Variants in KIF27 observed in about 807,000 individuals in gnomAD.
KIF27 encodes the protein kinesin-like protein KIF27.
KIF27 carries 84 observed loss-of-function variants against 141.8 expected under a neutral mutation model. The ratio of observed to expected loss-of-function variants is 0.59; its 90% CI spans 0.50 to 0.71. The LOEUF (loss-of-function observed/expected upper bound fraction) is 0.71, where lower values mean the gene tolerates loss of function less well. Ranked by LOEUF, KIF27 falls within the 30% of genes least tolerant of loss-of-function variation. The pLI is 0.00. For synonymous variants in KIF27, 471 were observed against 569.5 expected (o/e 0.83, Z 2.46); for missense variants, 1,306 against 1,628.4 (o/e 0.80, Z 3.41).
intron 5 of KIF27, chr9:83,898,646 G>A (rs1953516980): frequency 6.6e-6 from 1 of 152,122 alleles, no homozygotes; most frequent in Non-Finnish European, 1.5e-5. Context: ...TTAGTTTTAT[G>A]TTTTTAAATT....
chr9:83,890,303 T>C (rs7862971), intron 6 of KIF27, among the ~76,000 whole-genome samples: 3,736 of 152,100 alleles, frequency 0.025, 155 homozygotes, highest in African/African-American at 0.086. Context: ...GGGCGTAAAG[T>C]TTTTTAGGTG....
chr9:83,853,825 A>T lies in KIF27; in HGVS notation c.3161T>A (p.Val1054Asp). The change falls in exon 15 of 18, where the codon GTT becomes GAT. Residue 1054 changes from valine (V) to aspartate (D), a missense_variant. By Grantham distance (152) the Val-to-Asp change is radical. Transcript: ENST00000297814. ...AATCCCTTCTTCAAGTTGGAAAAGAACATGTTCTTCCTAGATATAACAGAA... is the reference window on the plus strand; with the variant it reads ...AATCCCTTCTTCAAGTTGGAAAAGATCATGTTCTTCCTAGATATAACAGAA... Reference protein sequence around the residue: ...GRVLSPEEEHVLFQLEEGIEA... With the variant: ...GRVLSPEEEHDLFQLEEGIEA... 6.2e-7 allele frequency: 1 copy of T among 1,605,246 alleles called. No individual in the cohort carries two copies. The highest frequency in any genetic ancestry group is 8.5e-7 in the Non-Finnish European group (1 of 1,172,088).
At chr9:83,883,735 T>A (rs1951860689) in intron 10 of KIF27, 78 bp downstream of exon 10, 1 of 968,468 alleles carries the variant, frequency 1.0e-6, no homozygotes, top group South Asian at 1.5e-5. Flanking sequence ...GAATCCCACT[T>A]CTTTCCTAAC....
intron 13 of KIF27, 132 bp from the exon 14 acceptor site, chr9:83,859,503 T>C (rs1322345103): frequency 9.2e-6 from 6 of 649,604 alleles, no homozygotes; most frequent in Non-Finnish European, 1.3e-5. Context: ...TTTTCTCCCA[T>C]GGATTTTTTT....
chr9:83,903,662 T>A lies in KIF27; in HGVS notation c.856A>T (p.Arg286Trp). ...CTATATGGAATATGTGAACTCTTCC[T>A]GCGTGGGTCCCCAAGAGCGCTTATT... ...NVISALGDPR[R>W]KSSHIPYRDA... Residue 286 changes from arginine (R) to tryptophan (W), a missense_variant, in exon 4 of 18, where the codon AGG becomes TGG. This residue lies in a region of KIF27 where 533 missense variants were observed against 565.6 expected (regional missense o/e 0.94). Transcript: ENST00000297814. 6.2e-7 allele frequency: 1 copy of A among 1,614,158 alleles called. No individual in the cohort carries two copies. Among genetic ancestry groups the A allele is most frequent in the African/African-American group, 1.3e-5 (1 of 75,054 alleles).
intron 17 of KIF27, 94 bp from the exon 18 acceptor site, chr9:83,837,579 C>A (rs148632153): frequency 4.0e-6 from 5 of 1,241,984 alleles, no homozygotes; most frequent in South Asian, 1.5e-5. Flanking sequence ...ATTATTATCA[C>A]CCAATATGCA....
chr9:83,845,077 G>A (rs1947082986), intron 16 of KIF27, among the ~76,000 whole-genome samples: 1 of 152,172 alleles, frequency 6.6e-6, no homozygotes, highest in Non-Finnish European at 1.5e-5. Context: ...AGATCCAATG[G>A]TGCTTGAGGT....
At chr9:83,889,540 C>T (rs528952968) in intron 6 of KIF27, among the ~76,000 whole-genome samples, 384 of 152,032 alleles carry the variant, frequency 2.5e-3, no homozygotes, top group African/African-American at 9.0e-3. Flanking sequence ...CAAAAGAACG[C>T]ATGGAAAACA....
At position 83,887,064 on chromosome 9, in the gene KIF27, A is replaced by T; in HGVS notation, c.2216T>A (p.Leu739Gln). The T allele has an allele frequency of 1.3e-6, 2 of 1,591,010 alleles. No homozygotes were observed. The highest frequency in any genetic ancestry group is 1.7e-6 in the Non-Finnish European group (2 of 1,173,208). The change falls in exon 9 of 18, where the codon CTG becomes CAG. Residue 739 changes from leucine to glutamine, a missense_variant. Around this residue, in one of 4 missense-constraint regions of KIF27, gnomAD observed 596 missense variants for 751.6 expected, o/e 0.79. Transcript: ENST00000297814. ...LTINIKMKEDLIKELIKTGND... is the reference protein window; with the variant it reads ...LTINIKMKEDQIKELIKTGND... ...ACCTGTTTTTATTAATTCTTTAATC[A>T]GATCTTCCTTCATCTTGATGTTAAT...
intron 1 of KIF27, 122 bp downstream of exon 1, chr9:83,921,249 A>C (rs1956246120): frequency 6.6e-6 from 1 of 152,012 alleles, no homozygotes; most frequent in Admixed American, 6.6e-5. Flanking sequence ...GCCGGAGCCT[A>C]CTAGTCCCAA....
At chr9:83,844,635 T>C (rs1947022631) in intron 16 of KIF27, among the ~76,000 whole-genome samples, 1 of 152,202 alleles carries the variant, frequency 6.6e-6, no homozygotes, top group Admixed American at 6.5e-5. Context: ...TCACTGCTCA[T>C]GAGAGGCAAG....
At chr9:83,849,600 C>T (rs62561945) in intron 16 of KIF27, 27,794 of 157,946 alleles carry the variant, frequency 0.18, 3,019 homozygotes, top group Non-Finnish European at 0.24. Context: ...TGGTATGTGC[C>T]CATCAATGGC....
Position 83,903,419 on chromosome 9 carries a change from G to A in KIF27, c.1099C>T (p.Arg367Ter), listed in dbSNP as rs371692315. The change falls in exon 4 of 18, where the codon CGA (arginine) becomes TGA (stop). Residue 367 changes from arginine (R) to a stop codon, truncating the protein, a stop_gained. Transcript: ENST00000297814. LOFTEE classifies it high-confidence loss of function. ...GCCTGCTGGCTTTGCAAAGCTTCTC[G>A]AAGCAATTTAATCTCAAATTCCATT... The part of the protein sequence containing the change: ...DEMEFEIKLL[R>*]EALQSQQAGV... The A allele has an allele frequency of 9.3e-6, 15 of 1,613,776 alleles. No individual in the cohort carries two copies. Among genetic ancestry groups the A allele is most frequent in the African/African-American group, 2.7e-5 (2 of 74,920 alleles).
At position 83,853,812 on chromosome 9, in the gene KIF27, A is replaced by C; in HGVS notation, c.3174T>G (p.Leu1058=). The change falls in exon 15 of 18, where the codon CTT becomes CTG. Residue 1058 remains leucine, a synonymous_variant. Transcript: ENST00000297814. ...CTTCCAAAGCTTCAATCCCTTCTTC[A>C]AGTTGGAAAAGAACATGTTCTTCCT... ...SPEEEHVLFQ[L]EEGIEALEAA... is the part of the protein sequence containing the mutation. The C allele has an allele frequency of 6.2e-7, 1 of 1,611,082 alleles. No individual in the cohort carries two copies. The highest frequency in any genetic ancestry group is 8.5e-7 in the Non-Finnish European group (1 of 1,177,348).
At chr9:83,876,618 A>T (rs1951220568) in intron 11 of KIF27, among the ~76,000 whole-genome samples, 1 of 152,216 alleles carries the variant, frequency 6.6e-6, no homozygotes, top group Admixed American at 6.5e-5. Context: ...ATCATCTTGA[A>T]AAAGAAGAGC....
At position 83,835,984 on chromosome 9, in the gene KIF27, A is replaced by G. The variant is rs1429108415; in HGVS notation, c.*1017T>C. 6.6e-6 allele frequency among the ~76,000 whole-genome samples: 1 copy of G among 152,114 alleles called. No individual in the cohort carries two copies. The highest frequency in any genetic ancestry group is 2.4e-5 in the African/African-American group (1 of 41,442). On this transcript the variant is annotated 3_prime_UTR_variant, in exon 18 of 18. Transcript: ENST00000297814. ...TGGTGTGCAAACTGTTTAGTTCTTA[A>G]TTCCAAACTAAATTGTACATTATAT...
At chr9:83,845,573 G>C (rs35838828) in intron 16 of KIF27, among the ~76,000 whole-genome samples, 1 of 152,196 alleles carries the variant, frequency 6.6e-6, no homozygotes, top group African/African-American at 2.4e-5. Flanking sequence ...AGATGGTTCT[G>C]CACGATATGC....
At chr9:83,893,072 AC>A (rs1220198121) in intron 5 of KIF27, among the ~76,000 whole-genome samples, 32 of 152,172 alleles carry the variant, frequency 2.1e-4, no homozygotes, top group African/African-American at 7.7e-4. Context: ...CCCCTTCTCT[AC>A]AAAAAATACA....
At chr9:83,896,784 T>A (rs1431614342) in intron 5 of KIF27, among the ~76,000 whole-genome samples, 2 of 152,132 alleles carry the variant, frequency 1.3e-5, no homozygotes, top group African/African-American at 2.4e-5. Flanking sequence ...AATAAATAAA[T>A]GAAAATAGCA....
Sources: allele counts gnomAD v4.1 joint callset (sites outside exome capture counted in the v4.1 genomes callset), GRCh38; gene constraint gnomAD v4.1.1; regional missense constraint gnomAD v4.1.1; transcripts MANE v1.5; gene names NCBI Gene and HGNC (gene_info 2026-07-23, HGNC 2026-07-21).